Variants in RASA2 observed in about 807,000 individuals in gnomAD.
RASA2 encodes the protein RAS p21 protein activator 2, also known as ras GTPase-activating protein 2.
RASA2 carries 155 observed loss-of-function variants against 118.2 expected under a neutral mutation model. The ratio of observed to expected loss-of-function variants is 1.31; its 90% confidence interval spans 1.15 to 1.50. The LOEUF (loss-of-function observed/expected upper bound fraction) is 1.50, where lower values mean the gene tolerates loss of function less well. Among genes scored for constraint, RASA2 ranks in the 40% most tolerant of loss-of-function variants. RASA2 has a pLI of 0.00. For missense variants in RASA2, 1,016 were observed against 1,009.6 expected (o/e 1.01, Z -0.09); for synonymous variants, 353 against 349.1 (o/e 1.01, Z -0.12).
At chr3:141,537,795 C>T (rs2082349401) in intron 4 of RASA2, among the ~76,000 whole-genome samples, 1 of 152,138 alleles carries the variant, frequency 6.6e-6, no homozygotes, top group Non-Finnish European at 1.5e-5. Flanking sequence ...ATTTTAAATT[C>T]TGTCAATTCC....
At chr3:141,499,841 G>A (rs1317257194) in intron 1 of RASA2, among the ~76,000 whole-genome samples, 2 of 152,042 alleles carry the variant, frequency 1.3e-5, no homozygotes, top group East Asian at 1.9e-4. Context: ...CGCCCACCTC[G>A]GCCTCCCAAA....
chr3:141,529,723 A>G lies in RASA2; in HGVS notation c.371A>G (p.Lys124Arg). 6.2e-7 allele frequency: 1 copy of G among 1,611,148 alleles called. No homozygotes were observed. Among genetic ancestry groups the G allele is most frequent in the East Asian group, 2.2e-5 (1 of 44,740 alleles). Residue 124 changes from lysine (K) to arginine (R), a missense_variant, in exon 4 of 24, where the codon AAA (lysine) becomes AGA (arginine). Physicochemically the swap from Lys to Arg is conservative, Grantham distance 26. Around this residue, in one of 2 missense-constraint regions of RASA2, gnomAD observed 896 missense variants for 836.4 expected, o/e 1.07. Coordinates refer to ENST00000286364, the MANE Select transcript of RASA2 (RefSeq NM_006506.5). The stretch of plus-strand genomic sequence containing the variant: ...TTTTCTGTAGGAAAAGTAGCCATCA[A>G]AAAAGAAGACTTGTGTAATCACAGT... ...RDLRIGKVAIKKEDLCNHSGK... is the reference protein window; with the variant it reads ...RDLRIGKVAIRKEDLCNHSGK...
At chr3:141,568,296 A>C (rs1353244703) in intron 9 of RASA2, among the ~76,000 whole-genome samples, 2 of 152,254 alleles carry the variant, frequency 1.3e-5, no homozygotes, top group East Asian at 3.9e-4. Flanking sequence ...AGAGTAGAAT[A>C]TGATAACATT....
chr3:141,590,282 C>T, intron 19 of RASA2: 1 of 402,324 alleles, frequency 2.5e-6, no homozygotes, highest in Non-Finnish European at 5.0e-6. Flanking sequence ...TACTCCGCAG[C>T]TAAATGCCTT....
intron 19 of RASA2, among the ~76,000 whole-genome samples, chr3:141,589,724 C>G (rs1330065912): frequency 6.6e-6 from 1 of 152,008 alleles, no homozygotes; most frequent in Non-Finnish European, 1.5e-5. Flanking sequence ...GTCTGTAGTC[C>G]CAGCTACTTG....
At chr3:141,583,780 T>C (rs903416747) in intron 17 of RASA2, among the ~76,000 whole-genome samples, 1 of 152,224 alleles carries the variant, frequency 6.6e-6, no homozygotes, top group Non-Finnish European at 1.5e-5. Flanking sequence ...CACTTTAGAA[T>C]AGGCACTGGA....
chr3:141,542,076 T>C (rs2082413451), intron 5 of RASA2, among the ~76,000 whole-genome samples: 1 of 151,172 alleles, frequency 6.6e-6, no homozygotes, highest in Non-Finnish European at 1.5e-5. Flanking sequence ...ATTTAAGTTT[T>C]TTCCCCCATC....
At chr3:141,594,724 G>C (rs2083340729) in intron 19 of RASA2, among the ~76,000 whole-genome samples, 3 of 152,146 alleles carry the variant, frequency 2.0e-5, no homozygotes, top group African/African-American at 7.2e-5. Flanking sequence ...AAAGCTGAGA[G>C]AGACTCCATT....
At chr3:141,602,238 G>C (rs1184013714) in intron 19 of RASA2, among the ~76,000 whole-genome samples, 1 of 152,076 alleles carries the variant, frequency 6.6e-6, no homozygotes, top group Non-Finnish European at 1.5e-5. Flanking sequence ...CAACCTTTTT[G>C]TCACCAAGGA....
intron 1 of RASA2, among the ~76,000 whole-genome samples, chr3:141,509,600 TA>T (rs923269759): frequency 2.6e-4 from 39 of 152,004 alleles, no homozygotes; most frequent in African/African-American, 8.0e-4. Flanking sequence ...GACTTTCGTT[TA>T]AAAAAAAGTC....
rs558353525 is a variant in RASA2, at chr3:141,588,847, A to T, written c.1933+2095A>T. ...CCCTTCCAGATAGCTTTTTATTTTT[A>T]TTTTTTTTTTTTGAGATGGATTCTC... is the stretch of plus-strand genomic sequence containing the variant. On this transcript the variant is annotated intron_variant, in intron 19 of 23. Transcript: ENST00000286364. Among the ~76,000 whole-genome samples the T allele has an allele frequency of 6.2e-3, 901 of 146,016 alleles. 10 individuals carry two copies. Among genetic ancestry groups the T allele is most frequent in the African/African-American group, 0.02 (822 of 40,108 alleles).
intron 3 of RASA2, among the ~76,000 whole-genome samples, chr3:141,524,783 G>A (rs2082162122): frequency 6.6e-6 from 1 of 152,016 alleles, no homozygotes; most frequent in Non-Finnish European, 1.5e-5. Flanking sequence ...TAGAGATGGG[G>A]TTTCACCGTG....
chr3:141,577,099 A>C lies in RASA2; in HGVS notation c.1583A>C (p.His528Pro). ...VSPHTFHLRP[H>P]HPDAQTIRTL... ...CCTCATACTTTTCATTTGCGACCTC[A>C]TCATCCAGTAAGTGTTCATTCTTCT... is the stretch of plus-strand genomic sequence containing the variant. Residue 528 changes from histidine (H) to proline (P), a missense_variant, in exon 15 of 24, where the codon CAT becomes CCT. Around this residue, in one of 2 missense-constraint regions of RASA2, gnomAD observed 896 missense variants for 836.4 expected, o/e 1.07. Transcript: ENST00000286364. 1 of 1,582,394 alleles carries C rather than the reference A, an allele frequency of 6.3e-7. No homozygotes were observed. Among genetic ancestry groups the C allele is most frequent in the Non-Finnish European group, 8.7e-7 (1 of 1,154,334 alleles).
intron 1 of RASA2, among the ~76,000 whole-genome samples, chr3:141,500,534 A>C (rs903388239): frequency 1.3e-5 from 2 of 152,236 alleles, no homozygotes; most frequent in Non-Finnish European, 2.9e-5. Flanking sequence ...CCTTGTCTAC[A>C]AATTAGGAAT....
intron 9 of RASA2, among the ~76,000 whole-genome samples, chr3:141,566,213 A>C (rs1355231846): frequency 6.6e-6 from 1 of 152,262 alleles, no homozygotes; most frequent in Non-Finnish European, 1.5e-5. Context: ...TAATGGCTCT[A>C]AGCCGTGATC....
Position 141,574,044 on chromosome 3 carries a change from A to C in RASA2, c.1460A>C (p.Gln487Pro), listed in dbSNP as rs2082968411. The part of the protein sequence containing the change: ...VMCDIFYSLR[Q>P]MATQRFPNDP... ...TGTGATATCTTTTATTCTCTAAGGC[A>C]GATGGCTACTCAGAGATTTCCTAGT... Residue 487 changes from glutamine to proline, a missense_variant, in exon 14 of 24, where the codon CAG becomes CCG. Coordinates refer to ENST00000286364, the MANE Select transcript of RASA2 (RefSeq NM_006506.5). The C allele has an allele frequency of 6.6e-7, 1 of 1,514,424 alleles. No homozygotes were observed. Among genetic ancestry groups the C allele is most frequent in the East Asian group, 2.4e-5 (1 of 40,946 alleles). The allele number at this position is 1,514,424 out of a possible 1,614,324, so 93.8% of individuals were successfully genotyped here. A position where few individuals can be genotyped will look rare whatever the true frequency, so the allele number is the denominator to read the frequency against.
At chr3:141,549,929 GAATA>G (rs2082548033) in intron 5 of RASA2, among the ~76,000 whole-genome samples, 2 of 152,084 alleles carry the variant, frequency 1.3e-5, no homozygotes, top group African/African-American at 4.8e-5. Context: ...TTGAGCTTCA[GAATA>G]AATAATAATA....
chr3:141,600,051 AT>A (rs1303684117), intron 19 of RASA2, among the ~76,000 whole-genome samples: 2 of 152,228 alleles, frequency 1.3e-5, no homozygotes, highest in Admixed American at 1.3e-4. Context: ...GAAGCTATTA[AT>A]ATTTTTCTAC....
chr3:141,559,656 A>G lies in RASA2; in HGVS notation c.762-238A>G, dbSNP rs565747154. On this transcript the variant is annotated intron_variant, in intron 8 of 23. Transcript: ENST00000286364. The stretch of plus-strand genomic sequence containing the variant: ...AAAGCCTCGACTTTCAAACTAAGAC[A>G]GTTTAAGTGCCTTCTTTCAGACTAT... Among the ~76,000 whole-genome samples the G allele has an allele frequency of 4.6e-5, 7 of 152,270 alleles. No homozygotes were observed. In the South Asian group the frequency reaches 1.4e-3, roughly 32 times the overall value.
Sources: gnomAD v4.1 joint callset for allele counts (sites outside exome capture counted in the v4.1 genomes callset) on GRCh38, gnomAD v4.1.1 for gene constraint, gnomAD v4.1.1 regional missense constraint, MANE v1.5 for transcripts, NCBI Gene and HGNC (gene_info 2026-07-23, HGNC 2026-07-21) for gene names.